CACNG2: variants seen among roughly 807,000 people sequenced by gnomAD.
CACNG2 encodes voltage-dependent calcium channel gamma-2 subunit.
In CACNG2, 3 loss-of-function variants were observed where a neutral mutation model predicts 25.9. The ratio of observed to expected loss-of-function variants is 0.12; its 90% CI spans 0.05 to 0.30. The LOEUF (loss-of-function observed/expected upper bound fraction) is 0.30. Among genes scored for constraint, CACNG2 ranks in the 10% least tolerant of loss-of-function variants. CACNG2 has a pLI of 1.00. For synonymous variants in CACNG2, 167 were observed against 173.3 expected (o/e 0.96, Z 0.29); for missense variants, 341 against 432.5 (o/e 0.79, Z 1.88).
intron 2 of CACNG2, among the ~76,000 whole-genome samples, chr22:36,571,837 A>G (rs926951287): frequency 7.3e-5 from 11 of 150,506 alleles, no homozygotes; most frequent in Admixed American, 6.0e-4. Context: ...GGATCTCACC[A>G]CTGCACTCCA....
At chr22:36,632,409 G>A (rs1412102941) in intron 1 of CACNG2, among the ~76,000 whole-genome samples, 3 of 151,992 alleles carry the variant, frequency 2.0e-5, no homozygotes, top group African/African-American at 7.3e-5. Flanking sequence ...ATTAAATTGG[G>A]AAATTCATGT....
At chr22:36,629,217 G>A (rs951152359) in intron 1 of CACNG2, among the ~76,000 whole-genome samples, 3 of 152,154 alleles carry the variant, frequency 2.0e-5, no homozygotes, top group Non-Finnish European at 4.4e-5. Flanking sequence ...AGGAATAACC[G>A]AAGCCTTAAA....
intron 1 of CACNG2, among the ~76,000 whole-genome samples, chr22:36,694,318 T>G (rs756942507): frequency 3.9e-5 from 6 of 152,222 alleles, no homozygotes; most frequent in Non-Finnish European, 8.8e-5. Flanking sequence ...CATTTTACAA[T>G]TAGCGGTGTC....
chr22:36,598,980 A>G (rs992276362), intron 1 of CACNG2, among the ~76,000 whole-genome samples: 3 of 152,190 alleles, frequency 2.0e-5, no homozygotes, highest in African/African-American at 4.8e-5. Flanking sequence ...CCTGCCCCCA[A>G]TCCAAATCTA....
chr22:36,611,904 G>A (rs539233103), intron 1 of CACNG2, among the ~76,000 whole-genome samples: 1 of 152,304 alleles, frequency 6.6e-6, no homozygotes, highest in South Asian at 2.1e-4. Flanking sequence ...CACGAATTCA[G>A]GAGTGTCAGT....
Position 36,606,489 on chromosome 22 carries a change from G to C in CACNG2, c.212-18941C>G, listed in dbSNP as rs1486828483. The stretch of plus-strand genomic sequence containing the variant: ...CCCGGGCAGGAGGTTCTAGGTGACT[G>C]CTGGGCTGCACTGTTACAGCACAGT... On this transcript the variant is annotated intron_variant, in intron 1 of 3. Coordinates refer to ENST00000300105, the MANE Select transcript of CACNG2 (RefSeq NM_006078.5). This position sits in a 1 kb window ranked among gnomAD's most constrained non-coding sequence, Gnocchi z 5.7. Among the ~76,000 whole-genome samples the C allele has an allele frequency of 1.3e-5, 2 of 152,174 alleles. No homozygotes were observed. The highest frequency in any genetic ancestry group is 4.8e-5 in the African/African-American group (2 of 41,430).
At chr22:36,638,754 A>T (rs768936434) in intron 1 of CACNG2, among the ~76,000 whole-genome samples, 2 of 152,232 alleles carry the variant, frequency 1.3e-5, no homozygotes, top group Non-Finnish European at 2.9e-5. Context: ...GTTAAGGACC[A>T]GGACAGTTCT....
At chr22:36,578,441 T>C (rs1935361842) in intron 2 of CACNG2, among the ~76,000 whole-genome samples, 1 of 151,810 alleles carries the variant, frequency 6.6e-6, no homozygotes, top group South Asian at 2.1e-4. Context: ...CCCCTCATGC[T>C]GTTCCACTGG....
At chr22:36,580,928 T>C (rs2267341) in intron 2 of CACNG2, among the ~76,000 whole-genome samples, 47,370 of 151,854 alleles carry the variant, frequency 0.31, 7,525 homozygotes, top group African/African-American at 0.34. Context: ...CATTCAGACA[T>C]AGACACTCAA....
chr22:36,574,210 A>G (rs1359345594), intron 2 of CACNG2, among the ~76,000 whole-genome samples: 2 of 152,192 alleles, frequency 1.3e-5, no homozygotes, highest in East Asian at 3.8e-4. Flanking sequence ...ACGGATTACG[A>G]AGGGGTCAAG....
In CACNG2 at chr22:36,674,766, C is replaced by T. The variant is rs369538083; in HGVS notation, c.211+27600G>A. Among the ~76,000 whole-genome samples the T allele has an allele frequency of 6.6e-5, 10 of 152,316 alleles. 1 individual carries two copies. The highest frequency in any genetic ancestry group is 6.2e-4 in the South Asian group (3 of 4,826). On this transcript the variant is annotated intron_variant, in intron 1 of 3. Transcript: ENST00000300105. ...CCCTATTCTTACCCACTGTGCTATG[C>T]CACTGGGAAGAGGGAGGTAGGGTGC...
intron 2 of CACNG2, among the ~76,000 whole-genome samples, chr22:36,574,386 G>A (rs1329070637): frequency 6.6e-6 from 1 of 152,138 alleles, no homozygotes. Context: ...GTAGTGAAGA[G>A]GGTGGCGTTG....
chr22:36,580,409 G>A (rs1029032077), intron 2 of CACNG2, among the ~76,000 whole-genome samples: 3 of 152,226 alleles, frequency 2.0e-5, no homozygotes, highest in Middle Eastern at 3.4e-3. Flanking sequence ...AAATTTAAGC[G>A]CAACTGGGTG....
rs778702779 is a variant in CACNG2 at position 36,621,912 on chromosome 22, C to CTGTT, written c.212-34368_212-34365dup. 5.9e-5 allele frequency among the ~76,000 whole-genome samples: 9 copies of CTGTT among 152,330 alleles called. No homozygotes were observed. In the East Asian group the frequency reaches 1.4e-3, roughly 23 times the overall value. On this transcript the variant is annotated intron_variant, in intron 1 of 3. Coordinates refer to ENST00000300105, the MANE Select transcript of CACNG2 (RefSeq NM_006078.5). The stretch of plus-strand genomic sequence containing the variant: ...TTGTAGGTTTGCGAGACAAACCATA[C>CTGTT]TGTTTTCCAGCATGTTGGTTCATGT...
rs890743020 is a variant in CACNG2, at chr22:36,643,723, G to A, written c.212-56175C>T. Among the ~76,000 whole-genome samples the A allele has an allele frequency of 5.3e-5, 8 of 152,298 alleles. 1 individual carries two copies. Among genetic ancestry groups the A allele is most frequent in the African/African-American group, 1.4e-4 (6 of 41,564 alleles). On this transcript the variant is annotated intron_variant, in intron 1 of 3. Coordinates refer to ENST00000300105, the MANE Select transcript of CACNG2 (RefSeq NM_006078.5). ...CTGACAGCCAAAGCAGAGAGGGAACGTATGTCAGTTACATGAATCTTATTG... is the reference window on the plus strand; with the variant it reads ...CTGACAGCCAAAGCAGAGAGGGAACATATGTCAGTTACATGAATCTTATTG...
intron 1 of CACNG2, among the ~76,000 whole-genome samples, chr22:36,620,187 C>T (rs1394753118): frequency 6.6e-6 from 1 of 152,238 alleles, no homozygotes; most frequent in African/African-American, 2.4e-5. Flanking sequence ...GCTCAGATTA[C>T]AGCAGAGCAG....
Position 36,564,716 on chromosome 22 carries a change from C to G in CACNG2, c.607G>C (p.Asp203His). ...GTGGCCCGCAGCTGTTTGTGCCGGTCGATAAACATGTGCACCGCCAGCACC... is the reference window on the plus strand; with the variant it reads ...GTGGCCCGCAGCTGTTTGTGCCGGTGGATAAACATGTGCACCGCCAGCACC... The part of the protein sequence containing the change: ...VGVLAVHMFI[D>H]RHKQLRATAR... The change falls in exon 4 of 4, where the codon GAC becomes CAC. Residue 203 changes from aspartate to histidine, a missense_variant. Coordinates refer to ENST00000300105, the MANE Select transcript of CACNG2 (RefSeq NM_006078.5). The surrounding 1 kb of genome is among the most constrained non-coding windows in gnomAD (Gnocchi z 6.7). 1.2e-6 allele frequency: 2 copies of G among 1,614,106 alleles called. No homozygotes were observed. Among genetic ancestry groups the G allele is most frequent in the Non-Finnish European group, 1.7e-6 (2 of 1,180,026 alleles).
intron 1 of CACNG2, among the ~76,000 whole-genome samples, chr22:36,697,592 A>T (rs1286721539): frequency 2.0e-5 from 3 of 152,202 alleles, no homozygotes. Context: ...AAGCAAGGGC[A>T]GGGAGTGTGG....
chr22:36,600,170 A>G (rs1216811270), intron 1 of CACNG2, among the ~76,000 whole-genome samples: 2 of 152,250 alleles, frequency 1.3e-5, no homozygotes, highest in Non-Finnish European at 2.9e-5. Context: ...ACTCCCATGG[A>G]GTGTTATACC....
Sources: gnomAD v4.1 joint callset for allele counts (sites outside exome capture counted in the v4.1 genomes callset) on GRCh38, gnomAD v4.1.1 for gene constraint, Gnocchi (gnomAD v3.1) non-coding constraint, MANE v1.5 for transcripts, NCBI Gene and HGNC (gene_info 2026-07-23, HGNC 2026-07-21) for gene names.